RP9: variants seen among roughly 807,000 people sequenced by gnomAD.
RP9 encodes RP9 pre-mRNA splicing factor.
In RP9, 23 loss-of-function variants were observed where a neutral mutation model predicts 32.6. That is an observed-to-expected ratio of 0.71 (90% confidence interval 0.51 to 1.00). RP9 has a LOEUF of 1.00. RP9 is among the 50% of genes least tolerant of loss of function. The probability of loss-of-function intolerance (pLI) is 0.00; values close to 1 mark genes in which losing one functional copy is unlikely to be tolerated. For missense variants in RP9, 245 were observed against 285.3 expected (o/e 0.86, Z 1.02); for synonymous variants, 94 against 103.6 (o/e 0.91, Z 0.56).
intron 1 of RP9, chr7:33,100,919 A>C (rs1788414211): frequency 2.4e-6 from 1 of 412,802 alleles, no homozygotes; most frequent in South Asian, 2.0e-5. Context: ...CAGGCTCCTA[A>C]AGCAATTTGT....
intron 1 of RP9, among the ~76,000 whole-genome samples, chr7:33,103,942 T>C (rs1296210518): frequency 1.3e-5 from 2 of 151,608 alleles, no homozygotes; most frequent in South Asian, 2.1e-4. Flanking sequence ...ATAGAGGCAA[T>C]GTAGGGAACA....
chr7:33,102,501 A>C (rs767574992), intron 1 of RP9, among the ~76,000 whole-genome samples: 33 of 152,188 alleles, frequency 2.2e-4, no homozygotes, highest in Non-Finnish European at 4.3e-4. Flanking sequence ...AGATAAAAAA[A>C]AGTTGATTGA....
intron 2 of RP9, among the ~76,000 whole-genome samples, chr7:33,099,647 C>T (rs944994088): frequency 6.6e-6 from 1 of 151,964 alleles, no homozygotes; most frequent in African/African-American, 2.4e-5. Context: ...AACAATGTAG[C>T]TGTTCTTAGA....
At chr7:33,103,141 A>C (rs1327416110) in intron 1 of RP9, among the ~76,000 whole-genome samples, 1 of 152,238 alleles carries the variant, frequency 6.6e-6, no homozygotes, top group Non-Finnish European at 1.5e-5. Flanking sequence ...CAAATTTGGG[A>C]AAGTGGAAAT....
chr7:33,097,785 A>G (rs1467272601), intron 3 of RP9, among the ~76,000 whole-genome samples: 1 of 151,964 alleles, frequency 6.6e-6, no homozygotes, highest in East Asian at 1.9e-4. Context: ...ACACCCAGCT[A>G]ATTTTTGTAT....
intron 1 of RP9, among the ~76,000 whole-genome samples, chr7:33,108,981 G>A (rs1788541361): frequency 6.6e-6 from 1 of 152,140 alleles, no homozygotes; most frequent in Non-Finnish European, 1.5e-5. Flanking sequence ...TCCCAAGTCA[G>A]ATTCTGCTTG....
Position 33,105,744 on chromosome 7 carries a change from A to G in RP9, c.152+3477T>C, listed in dbSNP as rs372076558. The stretch of plus-strand genomic sequence containing the variant: ...AGACAGGGCTTGCTGGATTTTCCCT[A>G]TGACCACTGTATTATACCCTTTTTT... On this transcript the variant is annotated intron_variant, in intron 1 of 5. Coordinates refer to ENST00000297157, the MANE Select transcript of RP9 (RefSeq NM_203288.2). 2.0e-4 allele frequency among the ~76,000 whole-genome samples: 30 copies of G among 152,254 alleles called. No homozygotes were observed. In the South Asian group the frequency reaches 5.8e-3, roughly 29 times the overall value.
chr7:33,104,452 TAAAATAA>T (rs1788470765), intron 1 of RP9, among the ~76,000 whole-genome samples: 1 of 150,282 alleles, frequency 6.7e-6, no homozygotes, highest in Non-Finnish European at 1.5e-5. Context: ...CCCCTAAACC[TAAAATAA>T]AAGTTAAAAA....
chr7:33,097,198 C>G (rs1391339722), intron 4 of RP9, 73 bp downstream of exon 4: 2 of 1,159,706 alleles, frequency 1.7e-6, no homozygotes, highest in Non-Finnish European at 2.6e-6. Flanking sequence ...TTCAAGTTCA[C>G]TGGTGACTTT....
At chr7:33,107,081 T>C (rs1788510320) in intron 1 of RP9, among the ~76,000 whole-genome samples, 2 of 152,238 alleles carry the variant, frequency 1.3e-5, no homozygotes, top group Non-Finnish European at 2.9e-5. Context: ...AGCCTATTGC[T>C]ATTTTTTGGT....
chr7:33,099,633 C>T (rs966699146), intron 2 of RP9, among the ~76,000 whole-genome samples, 197 bp from the exon 3 acceptor site: 2 of 151,700 alleles, frequency 1.3e-5, no homozygotes, highest in Non-Finnish European at 2.9e-5. Context: ...AGAACTATAC[C>T]AAAAACAATG....
At chr7:33,105,438 G>A (rs908526829) in intron 1 of RP9, among the ~76,000 whole-genome samples, 43 of 151,644 alleles carry the variant, frequency 2.8e-4, no homozygotes, top group Non-Finnish European at 4.4e-5. Flanking sequence ...ACTAGAACAA[G>A]TCTCCCACAA....
rs1306880131 is a variant in RP9, at chr7:33,109,129, A to T, written c.152+92T>A. 2.1e-6 allele frequency: 3 copies of T among 1,422,284 alleles called. No homozygotes were observed. The African/African-American group carries it at 4.5e-5, about 21-fold the overall frequency. 88.1% of individuals were successfully genotyped at this position (1,422,284 alleles called of 1,614,324 possible). A position where few individuals can be genotyped will look rare whatever the true frequency, so the allele number is the denominator to read the frequency against. On this transcript the variant is annotated intron_variant, in intron 1 of 5. Transcript: ENST00000297157. This position sits in a 1 kb window ranked among gnomAD's most constrained non-coding sequence, Gnocchi z 4.9. The stretch of plus-strand genomic sequence containing the variant: ...CCCCTGCCTGCTCGCGGGGGCTCGG[A>T]GGACCCGGCCTAGCGCCCACCGCGG...
Position 33,099,433 on chromosome 7 carries a change from C to G in RP9, c.187G>C (p.Asp63His), listed in dbSNP as rs565285086. Residue 63 changes from aspartate to histidine, a missense_variant, in exon 3 of 6, where the codon GAT (aspartate) becomes CAT (histidine). Around this residue, in one of 2 missense-constraint regions of RP9, gnomAD observed 182 missense variants for 175.5 expected, o/e 1.04. Coordinates refer to ENST00000297157, the MANE Select transcript of RP9 (RefSeq NM_203288.2). ...ATGCAATCTTCTGGCTTAGTCTCAT[C>G]TTCCTAAAAAAGGGAACAGGTATAA... ...EKPPPGLIKE[D>H]ETKPEDCIPD... 5.6e-6 allele frequency: 9 copies of G among 1,613,536 alleles called. No homozygotes were observed. The East Asian group carries it at 1.8e-4, about 32-fold the overall frequency.
In RP9 at chr7:33,099,423, T is replaced by A. The variant is rs1290488052; in HGVS notation, c.197A>T (p.Lys66Met). The A allele has an allele frequency of 1.9e-6, 3 of 1,613,386 alleles. No homozygotes were observed. The Admixed American group carries it at 5.0e-5, about 27-fold the overall frequency. Residue 66 changes from lysine to methionine, a missense_variant, in exon 3 of 6, where the codon AAG becomes ATG. Lys to Met is a moderately conservative substitution (Grantham distance 95). Around this residue, in one of 2 missense-constraint regions of RP9, gnomAD observed 182 missense variants for 175.5 expected, o/e 1.04. Transcript: ENST00000297157. ...TACATCTGGTATGCAATCTTCTGGC[T>A]TAGTCTCATCTTCCTAAAAAAGGGA... Reference protein sequence around the residue: ...PPGLIKEDETKPEDCIPDVPG... With the variant: ...PPGLIKEDETMPEDCIPDVPG...
chr7:33,101,903 A>G (rs187822280), intron 1 of RP9, among the ~76,000 whole-genome samples: 52 of 152,358 alleles, frequency 3.4e-4, no homozygotes, highest in Non-Finnish European at 6.0e-4. Flanking sequence ...AGAAACATTA[A>G]TGCTATACCT....
Position 33,096,563 on chromosome 7 carries a change from T to C in RP9, c.406-9A>G, listed in dbSNP as rs771235941. 2.5e-6 allele frequency: 4 copies of C among 1,605,462 alleles called. No individual in the cohort carries two copies. The South Asian group carries it at 3.3e-5, about 13-fold the overall frequency. On this transcript the variant is annotated splice_polypyrimidine_tract_variant and intron_variant, in intron 4 of 5. Coordinates refer to ENST00000297157, the MANE Select transcript of RP9 (RefSeq NM_203288.2). Reference sequence around the variant, plus strand: ...ATGGGATCTTCATGTGCCTTAAGGGTCAGAGAAGGTTAAGGTTTGGTTAGG... The same window carrying C: ...ATGGGATCTTCATGTGCCTTAAGGGCCAGAGAAGGTTAAGGTTTGGTTAGG...
intron 3 of RP9, 153 bp downstream of exon 3, chr7:33,099,154 G>A: frequency 2.4e-6 from 2 of 838,248 alleles, no homozygotes; most frequent in South Asian, 2.9e-5. Flanking sequence ...CGGTGGTGGG[G>A]GGTGGGGTGG....
At chr7:33,103,241 G>A (rs28654432) in intron 1 of RP9, among the ~76,000 whole-genome samples, 3 of 151,886 alleles carry the variant, frequency 2.0e-5, no homozygotes. Flanking sequence ...CCCAACACTT[G>A]AAGGAGGCTG....
Sources: gnomAD v4.1 joint callset for allele counts (sites outside exome capture counted in the v4.1 genomes callset) on GRCh38, gnomAD v4.1.1 for gene constraint, gnomAD v4.1.1 regional missense constraint, Gnocchi (gnomAD v3.1) non-coding constraint, MANE v1.5 for transcripts, NCBI Gene and HGNC (gene_info 2026-07-23, HGNC 2026-07-21) for gene names.